The following PDXDC1 variants were observed in gnomAD, a reference collection of about 807,000 sequenced individuals.
The protein encoded by PDXDC1 is pyridoxal-dependent decarboxylase domain-containing protein 1.
In PDXDC1, 42 loss-of-function variants were observed where a neutral mutation model predicts 100.1. That is an observed-to-expected ratio of 0.42 (90% CI 0.33 to 0.54). The LOEUF is 0.54. PDXDC1 is among the 20% of genes least tolerant of loss of function. PDXDC1 has a pLI of 0.10. For synonymous variants in PDXDC1, 260 were observed against 371.7 expected (o/e 0.70, Z 3.46); for missense variants, 636 against 979.2 (o/e 0.65, Z 4.68).
intron 16 of PDXDC1, chr16:15,074,567 G>A (rs2045372175): frequency 6.5e-6 from 3 of 461,118 alleles, no homozygotes; most frequent in African/African-American, 2.0e-5. Context: ...CTATGTGACT[G>A]GCAAGTAACT....
intron 16 of PDXDC1, among the ~76,000 whole-genome samples, chr16:15,087,134 T>C (rs1270311961): frequency 1.3e-5 from 2 of 152,116 alleles, no homozygotes; most frequent in African/African-American, 4.8e-5. Context: ...GCATATATAC[T>C]GCACAGGAAA....
intron 16 of PDXDC1, chr16:15,137,612 C>A (rs961966208): frequency 7.3e-7 from 1 of 1,367,460 alleles, no homozygotes; most frequent in Non-Finnish European, 1.0e-6. Flanking sequence ...CATCCGCCCG[C>A]CGCACTCACA....
chr16:15,073,045 G>A (rs745423001), intron 16 of PDXDC1: 52 of 1,612,384 alleles, frequency 3.2e-5, no homozygotes, highest in Admixed American at 5.0e-5. Context: ...ATCAGGTCGC[G>A]ATATAGATCC....
intron 16 of PDXDC1, chr16:15,130,547 G>T: frequency 7.4e-7 from 1 of 1,349,986 alleles, no homozygotes; most frequent in Non-Finnish European, 1.1e-6. Flanking sequence ...TCCCCTCGCT[G>T]CCTGCCGTCC....
chr16:15,064,307 C>G (rs1209472068), intron 16 of PDXDC1, among the ~76,000 whole-genome samples: 2 of 152,130 alleles, frequency 1.3e-5, no homozygotes, highest in Non-Finnish European at 2.9e-5. Flanking sequence ...TCCCGAGTAG[C>G]TGGAATTACA....
chr16:15,041,862 C>G (rs1293971208), downstream of PDXDC1, among the ~76,000 whole-genome samples: 1 of 152,216 alleles, frequency 6.6e-6, no homozygotes, highest in African/African-American at 2.4e-5. Context: ...CCACAGAACC[C>G]TGACCGCCAG....
intron 16 of PDXDC1, chr16:15,137,659 C>G (rs866095468): frequency 1.2e-4 from 157 of 1,263,330 alleles, no homozygotes; most frequent in Middle Eastern, 2.6e-4. Context: ...GAGCCCCCCC[C>G]CAGAGAGGCC....
chr16:15,040,934 G>C (rs1207290449), downstream of PDXDC1: 1 of 696,760 alleles, frequency 1.4e-6, no homozygotes, highest in African/African-American at 1.8e-5. Context: ...CCTCACAGCA[G>C]ATGTTCGGAG....
At position 14,998,487 on chromosome 16, in the gene PDXDC1, C is replaced by G. The variant is rs999006004; in HGVS notation, c.161+82C>G. 31 of 1,489,414 alleles carry G rather than the reference C, an allele frequency of 2.1e-5. No homozygotes were observed. In the Admixed American group the frequency reaches 5.8e-4, roughly 28 times the overall value. The allele number at this position is 1,489,414 out of a possible 1,614,324, so 92.3% of individuals were successfully genotyped here. On this transcript the variant is annotated intron_variant, in intron 3 of 22. Transcript: ENST00000396410. ...TGAGATGGAGTCGTGCTCTGTTGCC[C>G]AGGATGGTGTGCAGTGGCACAATCT...
Position 15,035,505 on chromosome 16 carries a change from A to G in PDXDC1, c.2059A>G (p.Thr687Ala). ...CTACAAAGCACAAGGTGCAGGAGTC[A>G]CGCTGCCTCCAACGCCCTCGGGCAG... ...YVYKAQGAGVTLPPTPSGSRT... is the reference protein window; with the variant it reads ...YVYKAQGAGVALPPTPSGSRT... The change falls in exon 22 of 23, where the codon ACG becomes GCG. Residue 687 changes from threonine to alanine, a missense_variant. By Grantham distance (58) the Thr-to-Ala change is moderately conservative. Coordinates refer to ENST00000396410, the MANE Select transcript of PDXDC1 (RefSeq NM_015027.4). 1 of 1,612,856 alleles carries G rather than the reference A, an allele frequency of 6.2e-7. No homozygotes were observed. Among genetic ancestry groups the G allele is most frequent in the Middle Eastern group, 1.8e-4 (1 of 5,466 alleles).
At chr16:15,038,533 G>C, downstream of PDXDC1, 1 of 1,089,264 alleles carries the variant, frequency 9.2e-7, no homozygotes, top group Non-Finnish European at 1.4e-6. Flanking sequence ...GGGAAACCAG[G>C]GTGCAGAGAT....
chr16:15,093,861 G>A (rs1053191823), intron 16 of PDXDC1: 24 of 474,232 alleles, frequency 5.1e-5, no homozygotes, highest in Non-Finnish European at 8.5e-5. Flanking sequence ...AAGGAAGAGG[G>A]GTCAAGGCGC....
intron 16 of PDXDC1, chr16:15,070,975 G>C: frequency 1.7e-6 from 1 of 590,648 alleles, no homozygotes; most frequent in Non-Finnish European, 2.9e-6. Flanking sequence ...TCACCACTTA[G>C]AAATATAAAC....
At chr16:15,075,447 G>A (rs2045413711) in intron 16 of PDXDC1, among the ~76,000 whole-genome samples, 1 of 151,634 alleles carries the variant, frequency 6.6e-6, no homozygotes, top group South Asian at 2.1e-4. Flanking sequence ...GTGGTACACT[G>A]TAGTCCCAGC....
At chr16:15,053,686 A>C (rs2044383720) in intron 16 of PDXDC1, among the ~76,000 whole-genome samples, 1 of 152,134 alleles carries the variant, frequency 6.6e-6, no homozygotes, top group Non-Finnish European at 1.5e-5. Flanking sequence ...CGAGACGGGC[A>C]GATCACTTGA....
intron 16 of PDXDC1, chr16:15,136,686 C>G: frequency 9.6e-7 from 1 of 1,038,360 alleles, no homozygotes; most frequent in Non-Finnish European, 1.5e-6. Context: ...TCTCCACCAC[C>G]AGGCGGTAGC....
At position 15,130,066 on chromosome 16, in the gene PDXDC1, C is replaced by T. The variant is rs201133120; in HGVS notation, c.1400-8813C>T. On this transcript the variant is annotated intron_variant, in intron 16 of 16. Coordinates refer to the PDXDC1 transcript ENST00000535621. ...TCAGCATGACGATGTAGTTTACATCCGCTGTCGGCTCCTGTGAGGACACAG... is the reference window on the plus strand; with the variant it reads ...TCAGCATGACGATGTAGTTTACATCTGCTGTCGGCTCCTGTGAGGACACAG... 1.1e-4 allele frequency: 155 copies of T among 1,446,002 alleles called. 1 individual carries two copies. Among genetic ancestry groups the T allele is most frequent in the African/African-American group, 1.1e-4 (8 of 72,460 alleles). 89.6% of individuals were successfully genotyped at this position (1,446,002 alleles called of 1,614,324 possible).
chr16:15,008,222 CTG>C (rs1171052175), intron 6 of PDXDC1, among the ~76,000 whole-genome samples: 1 of 152,296 alleles, frequency 6.6e-6, no homozygotes, highest in East Asian at 1.9e-4. Flanking sequence ...ATTCCTAAAA[CTG>C]TAAACTCCTC....
chr16:15,040,520 C>A (rs1420630463), downstream of PDXDC1: 1 of 174,854 alleles, frequency 5.7e-6, no homozygotes, highest in South Asian at 1.6e-4. Context: ...AGTATCACCG[C>A]TACAGCAGAA....
Sources: gnomAD v4.1 joint callset for allele counts (sites outside exome capture counted in the v4.1 genomes callset) on GRCh38, gnomAD v4.1.1 for gene constraint, MANE v1.5 for transcripts, NCBI Gene and HGNC (gene_info 2026-07-23, HGNC 2026-07-21) for gene names.